Variants in IDE observed in about 807,000 individuals in gnomAD.
The protein encoded by IDE is insulin-degrading enzyme.
In IDE, 58 loss-of-function variants were observed where a neutral mutation model predicts 133.2. The ratio of observed to expected loss-of-function variants is 0.44; its 90% CI spans 0.35 to 0.54. IDE has a LOEUF of 0.54. IDE is among the 20% of genes least tolerant of loss of function. IDE has a pLI of 0.00. For synonymous variants in IDE, 396 were observed against 421.3 expected, an observed-to-expected ratio of 0.94 and a Z score of 0.73; for missense variants, 981 against 1,234.0, an observed-to-expected ratio of 0.79 and a Z score of 3.07.
chr10:92,521,398 TA>T (rs879425676), intron 4 of IDE, among the ~76,000 whole-genome samples: 263 of 138,630 alleles, frequency 1.9e-3, no homozygotes, highest in Non-Finnish European at 1.8e-3. Flanking sequence ...AGGGGTGCAG[TA>T]AAAAAAAAAA....
rs774263101 is a variant in IDE at position 92,463,680 on chromosome 10, A to G, written c.2761+51T>C. The G allele has an allele frequency of 2.0e-6, 3 of 1,523,320 alleles. No homozygotes were observed. The South Asian group carries it at 3.4e-5, about 17-fold the overall frequency. The allele number at this position is 1,523,320 out of a possible 1,614,324, so 94.4% of individuals were successfully genotyped here. A position where few individuals can be genotyped will look rare whatever the true frequency, so the allele number is the denominator to read the frequency against. On this transcript the variant is annotated intron_variant, in intron 21 of 24. Transcript: ENST00000265986. ...AATACCATTTTGTAGAATGGCCTTA[A>G]TCAAATGTTACTTGAATGCCATAAA...
intron 11 of IDE, among the ~76,000 whole-genome samples, chr10:92,501,362 TAAAAAAAA>T (rs55861862): frequency 1.0e-4 from 2 of 19,214 alleles, no homozygotes; most frequent in Admixed American, 7.6e-4. Flanking sequence ...ACTCTGTCAT[TAAAAAAAA>T]AAAAAAAAAA....
intron 1 of IDE, among the ~76,000 whole-genome samples, chr10:92,560,782 C>CA (rs1319594657): frequency 8.3e-4 from 108 of 130,382 alleles, no homozygotes; most frequent in Middle Eastern, 4.1e-3. Context: ...GACTCCGTCT[C>CA]AAAAAAAAAA....
At chr10:92,510,454 C>T (rs933147005) in intron 5 of IDE, among the ~76,000 whole-genome samples, 1 of 151,998 alleles carries the variant, frequency 6.6e-6, no homozygotes, top group Non-Finnish European at 1.5e-5. Context: ...GAACTACTAG[C>T]AGATAGAGTA....
chr10:92,509,057 C>T (rs977863970), intron 6 of IDE, among the ~76,000 whole-genome samples, 167 bp from the exon 7 acceptor site: 1 of 152,188 alleles, frequency 6.6e-6, no homozygotes, highest in Non-Finnish European at 1.5e-5. Context: ...TCAGCACTCT[C>T]CTAGTGGAAT....
At chr10:92,473,396 C>A (rs1846082066) in intron 17 of IDE, among the ~76,000 whole-genome samples, 1 of 151,580 alleles carries the variant, frequency 6.6e-6, no homozygotes. Context: ...TCTTTACATT[C>A]AATAGGCATT....
chr10:92,498,681 C>A (rs955399965), intron 11 of IDE, among the ~76,000 whole-genome samples: 9 of 151,998 alleles, frequency 5.9e-5, no homozygotes, highest in Non-Finnish European at 8.8e-5. Flanking sequence ...TGTCTGAACC[C>A]GGGAGGCGGA....
At chr10:92,503,910 G>C (rs1054791256) in intron 11 of IDE, among the ~76,000 whole-genome samples, 1 of 151,860 alleles carries the variant, frequency 6.6e-6, no homozygotes, top group Non-Finnish European at 1.5e-5. Flanking sequence ...TAGAGACGGG[G>C]TTTCTCCATG....
chr10:92,467,364 C>G (rs1213437179), intron 19 of IDE, among the ~76,000 whole-genome samples: 1 of 152,210 alleles, frequency 6.6e-6, no homozygotes, highest in Non-Finnish European at 1.5e-5. Context: ...TGAGCCACCA[C>G]CCAGGCCTGA....
chr10:92,531,187 T>C (rs573573151), intron 4 of IDE, among the ~76,000 whole-genome samples: 3 of 152,276 alleles, frequency 2.0e-5, no homozygotes, highest in Non-Finnish European at 4.4e-5. Context: ...TAATGAAAAA[T>C]TGAAGAAAAA....
chr10:92,472,283 C>A (rs576577697), intron 17 of IDE, among the ~76,000 whole-genome samples: 1 of 152,298 alleles, frequency 6.6e-6, no homozygotes, highest in African/African-American at 2.4e-5. Flanking sequence ...TAGATTCTAA[C>A]GAAGGGTGAA....
intron 1 of IDE, among the ~76,000 whole-genome samples, chr10:92,557,446 G>A (rs1843065080): frequency 6.6e-6 from 1 of 152,122 alleles, no homozygotes; most frequent in African/African-American, 2.4e-5. Flanking sequence ...TGAGGCAGGA[G>A]AATGGTGTGA....
intron 2 of IDE, 119 bp from the exon 3 acceptor site, chr10:92,534,904 G>T: frequency 1.5e-6 from 1 of 683,900 alleles, no homozygotes; most frequent in Non-Finnish European, 2.5e-6. Context: ...AGAAAGTTAA[G>T]CACAAGCTAC....
chr10:92,492,905 C>T (rs966186020), intron 11 of IDE, among the ~76,000 whole-genome samples: 3 of 152,178 alleles, frequency 2.0e-5, no homozygotes, highest in Non-Finnish European at 4.4e-5. Flanking sequence ...TTGTCATCTG[C>T]TTTTCGGTAG....
At chr10:92,532,022 G>T in intron 3 of IDE, 105 bp from the exon 4 acceptor site, 1 of 774,934 alleles carries the variant, frequency 1.3e-6, no homozygotes, top group Non-Finnish European at 1.9e-6. Context: ...AAATTTTGCA[G>T]AATCAGAAAC....
chr10:92,459,583 TC>T (rs1845246355), intron 22 of IDE, among the ~76,000 whole-genome samples: 1 of 152,188 alleles, frequency 6.6e-6, no homozygotes. Flanking sequence ...ACTATGGTAA[TC>T]ACAGAGTATA....
Position 92,504,855 on chromosome 10 carries a change from C to A in IDE, c.1369G>T (p.Glu457Ter). ...TCTATTAAGTCAGGTCTAAATTCTTCCAGTAAATATTCCGCTGTGAGCACC... is the reference window on the plus strand; with the variant it reads ...TCTATTAAGTCAGGTCTAAATTCTTACAGTAAATATTCCGCTGTGAGCACC... ...EEVLTAEYLLEEFRPDLIEMV... is the reference protein window; with the variant it reads ...EEVLTAEYLL The change falls in exon 11 of 25, where the codon GAA becomes TAA. Residue 457 changes from glutamate to a stop codon, truncating the protein, a stop_gained. Coordinates refer to ENST00000265986, the MANE Select transcript of IDE (RefSeq NM_004969.4). LOFTEE classifies it high-confidence loss of function. The A allele has an allele frequency of 6.3e-7, 1 of 1,587,512 alleles. No individual in the cohort carries two copies. Among genetic ancestry groups the A allele is most frequent in the Non-Finnish European group, 8.6e-7 (1 of 1,167,282 alleles).
chr10:92,528,586 A>G (rs990896992), intron 4 of IDE, among the ~76,000 whole-genome samples: 15 of 152,226 alleles, frequency 9.9e-5, no homozygotes, highest in Non-Finnish European at 2.2e-4. Context: ...ATTGCTAAAT[A>G]AAATGTGCTT....
In IDE at chr10:92,458,490, G is replaced by GTTTTTTTTTTTTTTT. The variant is rs71028821; in HGVS notation, c.2824-2074_2824-2060dup. Among the ~76,000 whole-genome samples, 3 of 83,882 alleles carry GTTTTTTTTTTTTTTT rather than the reference G, an allele frequency of 3.6e-5. 1 individual carries two copies. Among genetic ancestry groups the GTTTTTTTTTTTTTTT allele is most frequent in the Non-Finnish European group, 6.7e-5 (3 of 44,920 alleles). 55.0% of individuals were successfully genotyped at this position (83,882 alleles called of 152,430 possible). ...AGGCCTGGTTATAAATACTCTCTCT[G>GTTTTTTTTTTTTTTT]TTTTTTTTTTTTTTTTTTTTTTTTT... On this transcript the variant is annotated intron_variant, in intron 22 of 24. Coordinates refer to ENST00000265986, the MANE Select transcript of IDE (RefSeq NM_004969.4).
Sources: gnomAD v4.1 joint callset for allele counts (sites outside exome capture counted in the v4.1 genomes callset) on GRCh38, gnomAD v4.1.1 for gene constraint, MANE v1.5 for transcripts, NCBI Gene and HGNC (gene_info 2026-07-23, HGNC 2026-07-21) for gene names.